The following GINS4 variants were observed in gnomAD, a reference collection of about 807,000 sequenced individuals.
The protein encoded by GINS4 is GINS complex subunit 4, also known as DNA replication complex GINS protein SLD5.
GINS4 carries 20 observed loss-of-function variants against 31.1 expected under a neutral mutation model. The observed-to-expected ratio is 0.64, with a 90% CI of 0.45 to 0.93. The LOEUF is 0.93. Among genes scored for constraint, GINS4 ranks in the 40% least tolerant of loss-of-function variants. The probability of loss-of-function intolerance (pLI) is 0.00; values close to 1 mark genes in which losing one functional copy is unlikely to be tolerated. For missense variants in GINS4, 245 were observed against 273.9 expected (o/e 0.89, Z 0.75); for synonymous variants, 85 against 97.9 (o/e 0.87, Z 0.78).
At chr8:41,536,314 G>A in intron 2 of GINS4, 46 bp from the exon 3 acceptor site, 1 of 1,176,714 alleles carries the variant, frequency 8.5e-7, no homozygotes, top group Non-Finnish European at 1.3e-6. Flanking sequence ...GGGTTGTTTA[G>A]CTCTGTGGTG....
intron 2 of GINS4, among the ~76,000 whole-genome samples, chr8:41,535,507 G>A (rs1204006895): frequency 6.6e-6 from 1 of 152,102 alleles, no homozygotes; most frequent in African/African-American, 2.4e-5. Flanking sequence ...CTGCACAAAT[G>A]CCTATGACTG....
intron 6 of GINS4, 23 bp from the exon 7 acceptor site, chr8:41,541,786 T>C (rs1167855766): frequency 2.5e-6 from 4 of 1,592,092 alleles, no homozygotes; most frequent in Non-Finnish European, 3.4e-6. Context: ...GATTTCCTAA[T>C]CACATTGTTG....
intron 2 of GINS4, among the ~76,000 whole-genome samples, chr8:41,532,478 C>T (rs1390493232): frequency 6.6e-6 from 1 of 152,062 alleles, no homozygotes; most frequent in East Asian, 1.9e-4. Context: ...TTCATTTGAA[C>T]CCAGGAGTTT....
At chr8:41,530,433 C>T in intron 2 of GINS4, 135 bp downstream of exon 2, 4 of 627,522 alleles carry the variant, frequency 6.4e-6, no homozygotes, top group Non-Finnish European at 1.1e-5. Context: ...TTACCATCTA[C>T]ATGGAAACGG....
chr8:41,539,623 C>A, intron 4 of GINS4, 55 bp from the exon 5 acceptor site: 2 of 1,239,562 alleles, frequency 1.6e-6, no homozygotes, highest in Non-Finnish European at 2.4e-6. Context: ...TTAACCACAT[C>A]CTTCTCTTTG....
intron 2 of GINS4, among the ~76,000 whole-genome samples, chr8:41,530,915 C>T (rs1263383041): frequency 6.6e-6 from 1 of 152,180 alleles, no homozygotes. Flanking sequence ...CTGTGACACT[C>T]CTCTGTTATG....
intron 4 of GINS4, chr8:41,538,051 T>C (rs1181523792): frequency 6.6e-6 from 1 of 151,822 alleles, no homozygotes; most frequent in Admixed American, 6.6e-5. Flanking sequence ...TTGCAAAACA[T>C]TCCTAGTTTA....
intron 6 of GINS4, 55 bp downstream of exon 6, chr8:41,540,059 T>G (rs1806811199): frequency 8.5e-7 from 1 of 1,179,536 alleles, no homozygotes; most frequent in South Asian, 1.2e-5. Flanking sequence ...TGTCCCAGGG[T>G]AGGATCCTCT....
chr8:41,542,361 G>T lies in GINS4; in HGVS notation c.*274G>T. 1.5e-5 allele frequency: 6 copies of T among 394,772 alleles called. No individual in the cohort carries two copies. Among genetic ancestry groups the T allele is most frequent in the South Asian group, 3.4e-5 (1 of 29,702 alleles). 24.5% of individuals were successfully genotyped at this position (394,772 alleles called of 1,614,324 possible). On this transcript the variant is annotated 3_prime_UTR_variant, in exon 8 of 8. Coordinates refer to ENST00000276533, the MANE Select transcript of GINS4 (RefSeq NM_032336.3). ...GTCGTGCCATTGCACTCCAGCCTGG[G>T]TGACAGTGAGACTTTGTCTCAAAAA...
chr8:41,533,478 C>T (rs1806684251), intron 2 of GINS4, among the ~76,000 whole-genome samples: 2 of 152,194 alleles, frequency 1.3e-5, no homozygotes, highest in South Asian at 4.1e-4. Flanking sequence ...GCTGCAGTAA[C>T]ATCTCATGCC....
At chr8:41,541,939 C>A in intron 7 of GINS4, 40 bp downstream of exon 7, 2 of 1,608,302 alleles carry the variant, frequency 1.2e-6, no homozygotes, top group South Asian at 1.1e-5. Flanking sequence ...ACATTCCTCC[C>A]GATGGAGGGC....
intron 6 of GINS4, 58 bp downstream of exon 6, chr8:41,540,062 G>A: frequency 8.6e-7 from 1 of 1,161,324 alleles, no homozygotes; most frequent in Non-Finnish European, 1.3e-6. Flanking sequence ...CCCAGGGTAG[G>A]ATCCTCTCTT....
At chr8:41,530,455 G>T (rs1458466536) in intron 2 of GINS4, among the ~76,000 whole-genome samples, 157 bp downstream of exon 2, 4 of 152,194 alleles carry the variant, frequency 2.6e-5, no homozygotes, top group Non-Finnish European at 5.9e-5. Flanking sequence ...AAGCAAGAAG[G>T]ACATCCTCTG....
chr8:41,540,011 A>G lies in GINS4; in HGVS notation c.484+7A>G. ...GTGGACCTCTTTCGGGCAGGTAAAC[A>G]GGACGTTCTCCCTGCAGGTGGCCCA... On this transcript the variant is annotated splice_region_variant and intron_variant, in intron 6 of 7. Coordinates refer to ENST00000276533, the MANE Select transcript of GINS4 (RefSeq NM_032336.3). 6.2e-7 allele frequency: 1 copy of G among 1,608,444 alleles called. No individual in the cohort carries two copies. The highest frequency in any genetic ancestry group is 1.1e-5 in the South Asian group (1 of 90,958).
rs867219225 is a variant in GINS4 at position 41,542,985 on chromosome 8, A to C, written c.*898A>C. On this transcript the variant is annotated 3_prime_UTR_variant, in exon 8 of 8. Transcript: ENST00000276533. ...AAGGAAAGTCAGGCAGAAGTAGTTC[A>C]TAAGAAGGCATCACTGCCTGTGATC... 6.6e-6 allele frequency: 1 copy of C among 152,256 alleles called. No individual in the cohort carries two copies. The highest frequency in any genetic ancestry group is 6.5e-5 in the Admixed American group (1 of 15,288). The allele number at this position is 152,256 out of a possible 1,614,324, so 9.4% of individuals were successfully genotyped here. A position where few individuals can be genotyped will look rare whatever the true frequency, so the allele number is the denominator to read the frequency against.
rs1806615756 is a variant in GINS4, at chr8:41,529,299, T to A, written c.-117T>A. The A allele has an allele frequency of 6.6e-6, 1 of 152,570 alleles. No individual in the cohort carries two copies. The highest frequency in any genetic ancestry group is 2.1e-4 in the South Asian group (1 of 4,844). 9.5% of individuals were successfully genotyped at this position (152,570 alleles called of 1,614,324 possible). ...CAAGTCCTTGAGCAGTTTGTTCCTC[T>A]GTCTTCCCGCTTCCTGGTGCCCCGA... On this transcript the variant is annotated 5_prime_UTR_variant, in exon 1 of 8. Coordinates refer to ENST00000276533, the MANE Select transcript of GINS4 (RefSeq NM_032336.3).
intron 2 of GINS4, among the ~76,000 whole-genome samples, chr8:41,533,013 T>C (rs1287598712): frequency 6.6e-6 from 1 of 152,142 alleles, no homozygotes; most frequent in Non-Finnish European, 1.5e-5. Flanking sequence ...CCGCATGTAC[T>C]CTAGGAGACA....
chr8:41,539,352 G>C (rs970384442), intron 4 of GINS4, among the ~76,000 whole-genome samples: 2 of 148,332 alleles, frequency 1.3e-5, no homozygotes, highest in African/African-American at 5.0e-5. Context: ...AACCTTATGT[G>C]ATTATTAATT....
chr8:41,533,595 G>GCACAGCCAAAGGGC (rs1437163705), intron 2 of GINS4, among the ~76,000 whole-genome samples: 8 of 152,200 alleles, frequency 5.3e-5, no homozygotes, highest in Non-Finnish European at 1.0e-4. Context: ...CAGCCAAAGG[G>GCACAGCCAAAGGGC]ACAGCCTGAC....
Sources: gnomAD v4.1 joint callset for allele counts (sites outside exome capture counted in the v4.1 genomes callset) on GRCh38, gnomAD v4.1.1 for gene constraint, MANE v1.5 for transcripts, NCBI Gene and HGNC (gene_info 2026-07-23, HGNC 2026-07-21) for gene names.